Variants in CAPRIN2 observed in about 807,000 individuals in gnomAD.
CAPRIN2 encodes the protein caprin family member 2, also known as caprin-2.
In CAPRIN2, 66 loss-of-function variants were observed where a neutral mutation model predicts 130.4. The ratio of observed to expected loss-of-function variants is 0.51; its 90% CI spans 0.42 to 0.62. The LOEUF is 0.62. Among genes scored for constraint, CAPRIN2 ranks in the 20% least tolerant of loss-of-function variants. CAPRIN2 has a pLI of 0.00. For missense variants in CAPRIN2, 1,185 were observed against 1,246.6 expected (o/e 0.95, Z 0.74); for synonymous variants, 471 against 444.1 (o/e 1.06, Z -0.76).
In CAPRIN2 at chr12:30,731,485, AGACAG is replaced by A; in HGVS notation, c.913_917del (p.Leu305Ter). The A allele has an allele frequency of 6.2e-7, 1 of 1,612,980 alleles. No homozygotes were observed. The highest frequency in any genetic ancestry group is 8.5e-7 in the Non-Finnish European group (1 of 1,179,236). ...CAAAATAGCCTGAGTTCAGCAATTT[AGACAG>A]TAGATCCTTCAAGTGTTTGTCTAAG... On this transcript the variant is annotated frameshift_variant, in exon 6 of 17. Transcript: ENST00000298892. LOFTEE classifies it high-confidence loss of function.
In CAPRIN2 at chr12:30,729,096, T is replaced by C. The variant is rs769098760; in HGVS notation, c.1334A>G (p.Asp445Gly). 13 of 1,614,038 alleles carry C rather than the reference T, an allele frequency of 8.1e-6. No individual in the cohort carries two copies. In the Admixed American group the frequency reaches 1.8e-4, roughly 23 times the overall value. Residue 445 changes from aspartate to glycine, a missense_variant, in exon 8 of 17, where the codon GAC becomes GGC. Around this residue, in one of 2 missense-constraint regions of CAPRIN2, gnomAD observed 1,104 missense variants for 1,104.3 expected, o/e 1.00. Transcript: ENST00000298892. Reference sequence around the variant, plus strand: ...CAGAGTAGACCTGAGTTTTGAGGTGTCTTGTTTCCTCTGTTCTAAGGAAAC... The same window carrying C: ...CAGAGTAGACCTGAGTTTTGAGGTGCCTTGTTTCCTCTGTTCTAAGGAAAC...
intron 3 of CAPRIN2, 63 bp downstream of exon 4, chr12:30,740,957 G>T: frequency 2.1e-6 from 2 of 957,176 alleles, no homozygotes; most frequent in Non-Finnish European, 3.3e-6. Flanking sequence ...CTGACACACT[G>T]ACATTTTCTC....
Position 30,726,088 on chromosome 12 carries a change from CCTA to C in CAPRIN2, c.1783-3_1783-1del, listed in dbSNP as rs1565602058. On this transcript the variant is annotated splice_acceptor_variant and splice_polypyrimidine_tract_variant and intron_variant, in intron 8 of 16. Transcript: ENST00000298892. LOFTEE classifies it high-confidence loss of function. ...ACAGGCTGATGCACAGGCTTAGGCA[CCTA>C]CAAGATAAACCCATAATGTGTAAGA... 2 of 1,521,894 alleles carry C rather than the reference CCTA, an allele frequency of 1.3e-6. No individual in the cohort carries two copies. The highest frequency in any genetic ancestry group is 2.8e-5 in the African/African-American group (2 of 71,540). 94.3% of individuals were successfully genotyped at this position (1,521,894 alleles called of 1,614,324 possible). A position where few individuals can be genotyped will look rare whatever the true frequency, so the allele number is the denominator to read the frequency against.
intron 15 of CAPRIN2, 25 bp from the exon 18 acceptor site, chr12:30,711,654 C>A: frequency 6.3e-7 from 1 of 1,590,028 alleles, no homozygotes. Flanking sequence ...TAATATTTAC[C>A]TTGGCATCAA....
chr12:30,714,934 T>G, intron 14 of CAPRIN2, 25 bp downstream of exon 16: 2 of 1,583,552 alleles, frequency 1.3e-6, no homozygotes, highest in Middle Eastern at 1.7e-4. Flanking sequence ...TAATTCAGTA[T>G]AATTCAATTT....
At chr12:30,720,528 A>G (rs2059086575) in intron 12 of CAPRIN2, 1 of 230,166 alleles carries the variant, frequency 4.3e-6, no homozygotes, top group African/African-American at 2.3e-5. Flanking sequence ...GTGTAAATAT[A>G]GTGGAAAACT....
intron 2 of CAPRIN2, 63 bp downstream of exon 3, chr12:30,751,008 C>A (rs999584670): frequency 4.2e-6 from 5 of 1,182,030 alleles, no homozygotes; most frequent in South Asian, 1.2e-5. Flanking sequence ...CGCACTAAAT[C>A]CATGTAGTTT....
rs545757771 is a variant in CAPRIN2 at position 30,723,374 on chromosome 12, C to T, written c.1988-60G>A. 5.8e-6 allele frequency: 7 copies of T among 1,202,828 alleles called. No individual in the cohort carries two copies. The South Asian group carries it at 7.6e-5, about 13-fold the overall frequency. 74.5% of individuals were successfully genotyped at this position (1,202,828 alleles called of 1,614,324 possible). On this transcript the variant is annotated intron_variant, in intron 10 of 16. Transcript: ENST00000298892. Reference sequence around the variant, plus strand: ...GAAGACAAAAGCTTACGCATATCAACTAGGAGGAAACTAAAGTTTACACTT... The same window carrying T: ...GAAGACAAAAGCTTACGCATATCAATTAGGAGGAAACTAAAGTTTACACTT...
At chr12:30,722,477 CT>C (rs1053997087) in intron 11 of CAPRIN2, among the ~76,000 whole-genome samples, 4 of 152,118 alleles carry the variant, frequency 2.6e-5, no homozygotes, top group African/African-American at 9.7e-5. Context: ...AAAAATTTAC[CT>C]TGTCAATTGA....
rs1261157744 is a variant in CAPRIN2, at chr12:30,721,654, A to G, written c.2044-739T>C. ...TGGCAATAGCAAGATCTAAAGTGTC[A>G]GTGAATCCACTCCTTTTATCTAAAT... On this transcript the variant is annotated intron_variant, in intron 11 of 16. Transcript: ENST00000298892. Among the ~76,000 whole-genome samples, 3 of 152,238 alleles carry G rather than the reference A, an allele frequency of 2.0e-5. No homozygotes were observed. The East Asian group carries it at 5.8e-4, about 29-fold the overall frequency.
intron 2 of CAPRIN2, among the ~76,000 whole-genome samples, chr12:30,750,738 C>G (rs1386854212): frequency 6.6e-6 from 1 of 152,166 alleles, no homozygotes; most frequent in Non-Finnish European, 1.5e-5. Context: ...CAGTGAAGAG[C>G]TGAAAGGTAG....
exon 8 of CAPRIN2, chr12:30,728,722 A>G: frequency 6.2e-7 from 1 of 1,614,146 alleles, no homozygotes; most frequent in East Asian, 2.2e-5. Flanking sequence ...GCTACTCCCC[A>G]GGACTTTGGA....
At chr12:30,727,619 G>A (rs1465009896) in intron 8 of CAPRIN2, among the ~76,000 whole-genome samples, 1 of 152,144 alleles carries the variant, frequency 6.6e-6, no homozygotes, top group Non-Finnish European at 1.5e-5. Flanking sequence ...TTTAATAAAA[G>A]GCAACCCTAA....
At chr12:30,725,630 T>C (rs7135005) in intron 9 of CAPRIN2, among the ~76,000 whole-genome samples, 34,099 of 152,168 alleles carry the variant, frequency 0.22, 4,047 homozygotes, top group Middle Eastern at 0.32. Flanking sequence ...TGTACTACAA[T>C]GGTATCTAAC....
intron 8 of CAPRIN2, among the ~76,000 whole-genome samples, chr12:30,728,057 G>A (rs1414545691): frequency 1.3e-5 from 2 of 152,036 alleles, no homozygotes; most frequent in Non-Finnish European, 2.9e-5. Context: ...ATGTCATTAT[G>A]GTCTTATCTA....
At chr12:30,726,600 C>T (rs1034921848) in intron 8 of CAPRIN2, among the ~76,000 whole-genome samples, 10 of 152,126 alleles carry the variant, frequency 6.6e-5, no homozygotes, top group African/African-American at 2.4e-4. Flanking sequence ...CTCTTGGGGG[C>T]TACTGATATC....
At chr12:30,719,686 T>A (rs1010580072) in intron 12 of CAPRIN2, 1 of 152,534 alleles carries the variant, frequency 6.6e-6, no homozygotes, top group Non-Finnish European at 1.5e-5. Context: ...TCCGATCCAA[T>A]TTAAGTAATC....
intron 9 of CAPRIN2, among the ~76,000 whole-genome samples, chr12:30,725,248 T>C (rs1029101885): frequency 6.6e-6 from 1 of 152,198 alleles, no homozygotes; most frequent in African/African-American, 2.4e-5. Context: ...GTTTCCAGTA[T>C]TTTGCATACT....
Position 30,731,696 on chromosome 12 carries a change from T to C in CAPRIN2, c.893-186A>G, listed in dbSNP as rs117832637. Among the ~76,000 whole-genome samples, 542 of 152,226 alleles carry C rather than the reference T, an allele frequency of 3.6e-3. 4 individuals are homozygous for C. The highest frequency in any genetic ancestry group is 0.014 in the East Asian group (74 of 5,180). ...TGGTACTGACTGGAGAACTTGTCAG[T>C]ACCATGAAAAGTAAATATGCAGTCC... On this transcript the variant is annotated intron_variant, in intron 5 of 16. Transcript: ENST00000298892.
Sources: allele counts gnomAD v4.1 joint callset (sites outside exome capture counted in the v4.1 genomes callset), GRCh38; gene constraint gnomAD v4.1.1; regional missense constraint gnomAD v4.1.1; transcripts MANE v1.5; gene names NCBI Gene and HGNC (gene_info 2026-07-23, HGNC 2026-07-21).